Variants in SEMA6D observed in about 807,000 individuals in gnomAD.
SEMA6D encodes semaphorin 6D.
Under a neutral mutation model 106.6 loss-of-function variants are expected in SEMA6D, and 35 were observed. The ratio of observed to expected loss-of-function variants is 0.33; its 90% CI spans 0.25 to 0.44. The LOEUF is 0.44. Ranked by LOEUF, SEMA6D falls within the 20% of genes least tolerant of loss-of-function variation. The pLI, the probability that SEMA6D is intolerant of heterozygous loss-of-function variation, is 1.00. For synonymous variants in SEMA6D, 499 were observed against 487.7 expected (o/e 1.02, Z -0.31); for missense variants, 1,185 against 1,345.9 (o/e 0.88, Z 1.87).
chr15:47,243,561 C>T (rs1222426907), intron 1 of SEMA6D, among the ~76,000 whole-genome samples: 1 of 151,812 alleles, frequency 6.6e-6, no homozygotes, highest in Non-Finnish European at 1.5e-5. Flanking sequence ...TTGTTTTGTT[C>T]AATGTAAAAC....
At chr15:47,370,492 G>A (rs1244911585) in intron 1 of SEMA6D, among the ~76,000 whole-genome samples, 2 of 151,976 alleles carry the variant, frequency 1.3e-5, no homozygotes, top group African/African-American at 4.8e-5. Context: ...TGCAGCCTGG[G>A]TGACAGAGAC....
intron 1 of SEMA6D, among the ~76,000 whole-genome samples, chr15:47,739,000 G>T (rs2080625228): frequency 6.6e-6 from 1 of 152,144 alleles, no homozygotes; most frequent in Non-Finnish European, 1.5e-5. Flanking sequence ...AAGCAGCTTA[G>T]GCTGTTTCAT....
At chr15:47,684,080 G>T (rs376965667) in intron 4 of SEMA6D, among the ~76,000 whole-genome samples, 2 of 152,130 alleles carry the variant, frequency 1.3e-5, no homozygotes, top group East Asian at 3.9e-4. Context: ...TTGGCAGAAA[G>T]AACAGCATTA....
chr15:47,706,641 T>G (rs2078917605), intron 4 of SEMA6D, among the ~76,000 whole-genome samples: 1 of 152,204 alleles, frequency 6.6e-6, no homozygotes, highest in Non-Finnish European at 1.5e-5. Flanking sequence ...TTGGAAATGT[T>G]CCATTAAATT....
chr15:47,365,980 C>G (rs891771897), intron 1 of SEMA6D, among the ~76,000 whole-genome samples: 1 of 151,008 alleles, frequency 6.6e-6, no homozygotes, highest in African/African-American at 2.4e-5. Flanking sequence ...AGAAACAGAA[C>G]CTACCACGTT....
At chr15:47,218,698 A>T (rs1334129140) in intron 1 of SEMA6D, among the ~76,000 whole-genome samples, 7 of 152,206 alleles carry the variant, frequency 4.6e-5, no homozygotes, top group African/African-American at 1.7e-4. Context: ...TGCCTTCAAC[A>T]TAGGGAACTG....
intron 1 of SEMA6D, among the ~76,000 whole-genome samples, chr15:47,370,293 G>A (rs998684054): frequency 6.6e-6 from 1 of 152,146 alleles, no homozygotes; most frequent in African/African-American, 2.4e-5. Flanking sequence ...GGTTAGTGGA[G>A]CAGTTGAGCT....
chr15:47,190,307 C>T (rs1029313382), intron 1 of SEMA6D, among the ~76,000 whole-genome samples: 1 of 152,014 alleles, frequency 6.6e-6, no homozygotes, highest in African/African-American at 2.4e-5. Context: ...ATCCAAAGCA[C>T]GTAAGAGAAA....
rs945261296 is a variant in SEMA6D, at chr15:47,730,192, G to A, written c.-55+12500G>A. Reference sequence around the variant, plus strand: ...TAGCCTTTGCCTTTTCGAGCTTGGCGATGCGAGCCACAGACTTAGGATCCA... The same window carrying A: ...TAGCCTTTGCCTTTTCGAGCTTGGCAATGCGAGCCACAGACTTAGGATCCA... On this transcript the variant is annotated intron_variant, in intron 1 of 18. Coordinates refer to ENST00000536845, the MANE Select transcript of SEMA6D (RefSeq NM_001358351.3). 20 of 1,540,836 alleles carry A rather than the reference G, an allele frequency of 1.3e-5. No homozygotes were observed. In the East Asian group the frequency reaches 2.0e-4, roughly 16 times the overall value.
chr15:47,702,890 T>C (rs1018386134), intron 4 of SEMA6D, among the ~76,000 whole-genome samples: 4 of 152,134 alleles, frequency 2.6e-5, no homozygotes, highest in Non-Finnish European at 4.4e-5. Context: ...ATAGAAGATT[T>C]TTTTAAGGCA....
chr15:47,363,281 G>A (rs2145157311), intron 1 of SEMA6D, among the ~76,000 whole-genome samples: 1 of 152,250 alleles, frequency 6.6e-6, no homozygotes, highest in East Asian at 1.9e-4. Context: ...TGGACTCCAA[G>A]CCCCTATGTT....
chr15:47,264,846 CT>C (rs1351394374), intron 1 of SEMA6D, among the ~76,000 whole-genome samples: 2 of 151,908 alleles, frequency 1.3e-5, no homozygotes, highest in Non-Finnish European at 2.9e-5. Context: ...TTGTTAAATA[CT>C]TTTTCTGTGA....
chr15:47,201,019 G>A (rs1232124814), intron 1 of SEMA6D, among the ~76,000 whole-genome samples: 4 of 152,192 alleles, frequency 2.6e-5, no homozygotes, highest in Admixed American at 2.6e-4. Flanking sequence ...CTGTATTCAA[G>A]GTGGTCTCTG....
intron 1 of SEMA6D, among the ~76,000 whole-genome samples, chr15:47,369,771 T>G (rs1364855002): frequency 1.3e-5 from 2 of 152,238 alleles, no homozygotes; most frequent in Non-Finnish European, 2.9e-5. Context: ...TGAGATACCA[T>G]GATCCTGACT....
chr15:47,485,157 G>A (rs1480157116), intron 3 of SEMA6D, among the ~76,000 whole-genome samples: 1 of 152,122 alleles, frequency 6.6e-6, no homozygotes, highest in African/African-American at 2.4e-5. Flanking sequence ...TGCCATATTT[G>A]TGTCACTATG....
intron 2 of SEMA6D, among the ~76,000 whole-genome samples, chr15:47,419,361 G>A (rs763263181): frequency 5.3e-5 from 8 of 152,106 alleles, no homozygotes; most frequent in Non-Finnish European, 1.0e-4. Context: ...GAAGGATCAT[G>A]CCATTGGATA....
At chr15:47,564,889 A>G (rs753782298) in intron 3 of SEMA6D, among the ~76,000 whole-genome samples, 52 of 152,162 alleles carry the variant, frequency 3.4e-4, no homozygotes, top group Non-Finnish European at 6.9e-4. Flanking sequence ...TGTTGGAGAG[A>G]AGCAGCTTGA....
chr15:47,733,592 G>C (rs1046459148), intron 1 of SEMA6D, among the ~76,000 whole-genome samples: 1 of 152,118 alleles, frequency 6.6e-6, no homozygotes, highest in Non-Finnish European at 1.5e-5. Context: ...CTTCCCAACT[G>C]TGCATCCTTG....
At chr15:47,423,547 A>G (rs2041236870) in intron 2 of SEMA6D, among the ~76,000 whole-genome samples, 1 of 152,120 alleles carries the variant, frequency 6.6e-6, no homozygotes, top group African/African-American at 2.4e-5. Context: ...CATAGACTAC[A>G]ATTCAACCTT....
Sources: allele counts gnomAD v4.1 joint callset (sites outside exome capture counted in the v4.1 genomes callset), GRCh38; gene constraint gnomAD v4.1.1; transcripts MANE v1.5; gene names NCBI Gene and HGNC (gene_info 2026-07-23, HGNC 2026-07-21).